ANKRD6: variants seen among roughly 807,000 people sequenced by gnomAD.
The protein encoded by ANKRD6 is ankyrin repeat domain-containing protein 6.
Under a neutral mutation model 82.3 loss-of-function variants are expected in ANKRD6, and 56 were observed. That is an observed-to-expected ratio of 0.68 (90% CI 0.55 to 0.85). The LOEUF (loss-of-function observed/expected upper bound fraction) is 0.85. Ranked by LOEUF, ANKRD6 falls within the 40% of genes least tolerant of loss-of-function variation. ANKRD6 has a pLI of 0.00. For synonymous variants in ANKRD6, 347 were observed against 352.1 expected (o/e 0.99, Z 0.16); for missense variants, 852 against 907.6 (o/e 0.94, Z 0.79).
chr6:89,434,079 C>T (rs909787075), intron 1 of ANKRD6, among the ~76,000 whole-genome samples: 8 of 152,094 alleles, frequency 5.3e-5, no homozygotes, highest in African/African-American at 1.7e-4. Flanking sequence ...GTTTCCCCCG[C>T]GAGGTAGCAT....
intron 1 of ANKRD6, among the ~76,000 whole-genome samples, chr6:89,531,145 C>G (rs1783092488): frequency 6.6e-6 from 1 of 152,230 alleles, no homozygotes; most frequent in Non-Finnish European, 1.5e-5. Flanking sequence ...GGCCTGTGAG[C>G]ATGCATCCGC....
chr6:89,460,289 C>T (rs1027588294), intron 1 of ANKRD6, among the ~76,000 whole-genome samples: 1 of 151,536 alleles, frequency 6.6e-6, no homozygotes, highest in Admixed American at 6.6e-5. Context: ...TATAATTTTC[C>T]AATTCTCCTA....
At chr6:89,576,872 T>A (rs1791225959) in intron 2 of ANKRD6, among the ~76,000 whole-genome samples, 1 of 152,116 alleles carries the variant, frequency 6.6e-6, no homozygotes, top group Admixed American at 6.6e-5. Context: ...CATGTCTCCA[T>A]CTCCAGCTTC....
At chr6:89,479,971 T>C (rs1776591916) in intron 1 of ANKRD6, among the ~76,000 whole-genome samples, 2 of 152,216 alleles carry the variant, frequency 1.3e-5, no homozygotes, top group Admixed American at 6.5e-5. Context: ...TTTTAAAGAC[T>C]GAAACTTTCC....
At chr6:89,447,993 A>G (rs1456320377) in intron 1 of ANKRD6, among the ~76,000 whole-genome samples, 2 of 151,984 alleles carry the variant, frequency 1.3e-5, no homozygotes, top group South Asian at 2.1e-4. Context: ...AGCTCCATTT[A>G]GGACTTTCAT....
intron 1 of ANKRD6, among the ~76,000 whole-genome samples, chr6:89,480,873 T>G (rs1582836290): frequency 7.4e-6 from 1 of 135,872 alleles, no homozygotes; most frequent in Non-Finnish European, 1.5e-5. Flanking sequence ...GCCCAGGAGG[T>G]TGAGGCTACA....
At chr6:89,456,770 G>T (rs1379916076) in intron 1 of ANKRD6, among the ~76,000 whole-genome samples, 1 of 152,120 alleles carries the variant, frequency 6.6e-6, no homozygotes, top group African/African-American at 2.4e-5. Context: ...AAAGTGTTAG[G>T]ATCATCCATG....
Position 89,612,316 on chromosome 6 carries a change from C to T in ANKRD6, c.462C>T (p.Ser154=). ...ACCTGGCCTGCCAGAACAGCCACTC[C>T]CAGAGCACGCGCGTCCTCCTGCTGG... The part of the protein sequence containing the change: ...ALHLACQNSH[S]QSTRVLLLAG... The change falls in exon 6 of 16, where the codon TCC becomes TCT. Residue 154 remains serine, a synonymous_variant. Transcript: ENST00000339746. The T allele has an allele frequency of 6.4e-7, 1 of 1,566,360 alleles. No homozygotes were observed. Among genetic ancestry groups the T allele is most frequent in the Non-Finnish European group, 8.7e-7 (1 of 1,154,858 alleles).
At chr6:89,548,979 G>A (rs1019303913) in intron 1 of ANKRD6, among the ~76,000 whole-genome samples, 2 of 152,172 alleles carry the variant, frequency 1.3e-5, no homozygotes, top group Admixed American at 1.3e-4. Context: ...GGCAGAGGCA[G>A]GTGAACTGCT....
chr6:89,523,431 G>T (rs1039189880), intron 1 of ANKRD6, among the ~76,000 whole-genome samples: 3 of 152,166 alleles, frequency 2.0e-5, no homozygotes, highest in African/African-American at 7.2e-5. Context: ...AGGACCTTCT[G>T]GTTCTTTTAT....
chr6:89,563,656 C>T (rs548610270), intron 1 of ANKRD6, among the ~76,000 whole-genome samples: 1 of 152,156 alleles, frequency 6.6e-6, no homozygotes, highest in African/African-American at 2.4e-5. Flanking sequence ...TGGTTTCACC[C>T]CTCTATTCCC....
chr6:89,444,771 C>T (rs1439084112), intron 1 of ANKRD6, among the ~76,000 whole-genome samples: 1 of 152,120 alleles, frequency 6.6e-6, no homozygotes, highest in East Asian at 1.9e-4. Context: ...AGTTTGAGAC[C>T]AGCCTGGCCA....
chr6:89,543,880 T>C (rs1474494497), intron 1 of ANKRD6, among the ~76,000 whole-genome samples: 4 of 152,266 alleles, frequency 2.6e-5, no homozygotes, highest in Admixed American at 2.6e-4. Flanking sequence ...CTGTCCGTTA[T>C]GACATTTACA....
At chr6:89,491,405 G>A (rs936911814) in intron 1 of ANKRD6, among the ~76,000 whole-genome samples, 24 of 152,126 alleles carry the variant, frequency 1.6e-4, no homozygotes, top group Admixed American at 1.2e-3. Flanking sequence ...CCCTGAAGCC[G>A]TCCATACAAT....
intron 1 of ANKRD6, among the ~76,000 whole-genome samples, chr6:89,566,525 G>A (rs917686782): frequency 6.6e-6 from 1 of 152,136 alleles, no homozygotes; most frequent in African/African-American, 2.4e-5. Flanking sequence ...TGGTGCTTAG[G>A]GGATTATACC....
At chr6:89,455,733 T>C (rs938124664) in intron 1 of ANKRD6, among the ~76,000 whole-genome samples, 2 of 152,184 alleles carry the variant, frequency 1.3e-5, no homozygotes, top group Non-Finnish European at 2.9e-5. Context: ...CTGCTTCCCC[T>C]TCACCTTCTG....
chr6:89,561,275 A>C (rs957349897), intron 1 of ANKRD6: 1 of 152,232 alleles, frequency 6.6e-6, no homozygotes, highest in African/African-American at 2.4e-5. Context: ...AGTTAGAAGA[A>C]GAGAGTTTTT....
rs200906074 is a variant in ANKRD6 at position 89,488,880 on chromosome 6, A to ATTCTG, written c.-144+55509_-144+55510insGTTCT. 2.1e-4 allele frequency among the ~76,000 whole-genome samples: 30 copies of ATTCTG among 142,602 alleles called. No individual in the cohort carries two copies. In the East Asian group the frequency reaches 5.1e-3, roughly 24 times the overall value. The allele number at this position is 142,602 out of a possible 152,430, so 93.6% of individuals were successfully genotyped here. A position where few individuals can be genotyped will look rare whatever the true frequency, so the allele number is the denominator to read the frequency against. On this transcript the variant is annotated intron_variant, in intron 1 of 15. Coordinates refer to ENST00000339746, the MANE Select transcript of ANKRD6 (RefSeq NM_001242809.2). The stretch of plus-strand genomic sequence containing the variant: ...AAAATATATCGATCTATTCTATTCT[A>ATTCTG]TTCTATTCTATTCTATTCTATTCTA...
At chr6:89,450,468 T>A (rs1237060051) in intron 1 of ANKRD6, among the ~76,000 whole-genome samples, 3 of 152,170 alleles carry the variant, frequency 2.0e-5, no homozygotes, top group Non-Finnish European at 2.9e-5. Context: ...CATTATGACC[T>A]ACTGAAGGTT....
Sources: gnomAD v4.1 joint callset for allele counts (sites outside exome capture counted in the v4.1 genomes callset) on GRCh38, gnomAD v4.1.1 for gene constraint, MANE v1.5 for transcripts, NCBI Gene and HGNC (gene_info 2026-07-23, HGNC 2026-07-21) for gene names.